The following CELA2A variants were observed in gnomAD, a reference collection of about 807,000 sequenced individuals.
The protein encoded by CELA2A is chymotrypsin like elastase 2A.
Under a neutral mutation model 35.3 loss-of-function variants are expected in CELA2A, and 31 were observed. That is an observed-to-expected ratio of 0.88 (90% confidence interval 0.66 to 1.19). The LOEUF (loss-of-function observed/expected upper bound fraction) is 1.19, where lower values mean the gene tolerates loss of function less well. Among genes scored for constraint, CELA2A ranks in the 50% most tolerant of loss-of-function variants. The pLI is 0.00. For synonymous variants in CELA2A, 150 were observed against 149.8 expected (o/e 1.00, Z -0.01); for missense variants, 330 against 352.9 (o/e 0.94, Z 0.52).
At chr1:15,461,968 C>CT (rs1446056987) in intron 3 of CELA2A, among the ~76,000 whole-genome samples, 1 of 152,208 alleles carries the variant, frequency 6.6e-6, no homozygotes, top group Non-Finnish European at 1.5e-5. Flanking sequence ...CCTTGAACAA[C>CT]TTAACTGACT....
intron 4 of CELA2A, 71 bp from the exon 5 acceptor site, chr1:15,463,315 C>T (rs1708465527): frequency 6.2e-7 from 1 of 1,604,606 alleles, no homozygotes; most frequent in South Asian, 1.1e-5. Context: ...ACAAGGTCTC[C>T]AAGCCCTCCA....
chr1:15,465,868 T>G (rs1438778489), intron 5 of CELA2A, 131 bp from the exon 6 acceptor site: 1 of 1,072,984 alleles, frequency 9.3e-7, no homozygotes, highest in African/African-American at 1.6e-5. Context: ...GGACACAGTA[T>G]AGACAAACGT....
rs141929584 is a variant in CELA2A at position 15,471,385 on chromosome 1, A to G, written c.793-605A>G. On this transcript the variant is annotated intron_variant, in intron 7 of 7. Coordinates refer to ENST00000359621, the MANE Select transcript of CELA2A (RefSeq NM_033440.3). ...AACATGGTGAAACCTCATCTCTACT[A>G]AAAATGCAAAAAATTAGCCAGGCAT... 5.7e-3 allele frequency among the ~76,000 whole-genome samples: 865 copies of G among 152,214 alleles called. 4 individuals are homozygous for G. Among genetic ancestry groups the G allele is most frequent in the Non-Finnish European group, 8.8e-3 (598 of 67,996 alleles).
At chr1:15,458,153 T>G (rs1209750764) in intron 2 of CELA2A, among the ~76,000 whole-genome samples, 2 of 152,186 alleles carry the variant, frequency 1.3e-5, no homozygotes, top group Non-Finnish European at 2.9e-5. Flanking sequence ...ATGTAAACAA[T>G]TTTTTGAGTT....
Position 15,461,611 on chromosome 1 carries a change from G to A in CELA2A, c.180G>A (p.Gly60=). 6.2e-7 allele frequency: 1 copy of A among 1,612,978 alleles called. No individual in the cohort carries two copies. Among genetic ancestry groups the A allele is most frequent in the Non-Finnish European group, 8.5e-7 (1 of 1,180,034 alleles). Residue 60 remains glycine (G), a synonymous_variant, in exon 3 of 8, where the codon GGG becomes GGA. Transcript: ENST00000359621. Reference sequence around the variant, plus strand: ...GCAAGTGGTACCACACCTGCGGAGGGTCCCTGATAGCCAACAGCTGGGTCC... The same window carrying A: ...GCAAGTGGTACCACACCTGCGGAGGATCCCTGATAGCCAACAGCTGGGTCC... ...SNGKWYHTCG[G]SLIANSWVLT...
At position 15,467,636 on chromosome 1, in the gene CELA2A, T is replaced by A; in HGVS notation, c.792+98T>A. On this transcript the variant is annotated intron_variant, in intron 7 of 7. Coordinates refer to ENST00000359621, the MANE Select transcript of CELA2A (RefSeq NM_033440.3). The stretch of plus-strand genomic sequence containing the variant: ...TGGTGACTGAGAATCCCCTCCTTCC[T>A]CTTGAGAGCTAGATGGGAACCCCTT... 2.8e-6 allele frequency: 4 copies of A among 1,446,482 alleles called. No individual in the cohort carries two copies. In the Admixed American group the frequency reaches 5.6e-5, roughly 20 times the overall value. 89.6% of individuals were successfully genotyped at this position (1,446,482 alleles called of 1,614,324 possible).
chr1:15,469,598 T>G (rs1469394736), intron 7 of CELA2A, among the ~76,000 whole-genome samples: 1 of 152,186 alleles, frequency 6.6e-6, no homozygotes, highest in African/African-American at 2.4e-5. Context: ...AGATCCTTGT[T>G]CATTTGTCTG....
In CELA2A at chr1:15,469,811, C is replaced by T. The variant is rs370492233; in HGVS notation, c.793-2179C>T. Among the ~76,000 whole-genome samples, 8 of 152,312 alleles carry T rather than the reference C, an allele frequency of 5.3e-5. No individual in the cohort carries two copies. The South Asian group carries it at 8.3e-4, about 16-fold the overall frequency. On this transcript the variant is annotated intron_variant, in intron 7 of 7. Coordinates refer to ENST00000359621, the MANE Select transcript of CELA2A (RefSeq NM_033440.3). ...GGAGCCTGGCCTGAGACTGACTGGACGAGAGGCTGCTTAGGGGCCTTTCTC... is the reference window on the plus strand; with the variant it reads ...GGAGCCTGGCCTGAGACTGACTGGATGAGAGGCTGCTTAGGGGCCTTTCTC...
intron 6 of CELA2A, 93 bp downstream of exon 6, chr1:15,466,237 C>T: frequency 7.1e-7 from 1 of 1,413,198 alleles, no homozygotes; most frequent in Non-Finnish European, 9.8e-7. Flanking sequence ...CATCCTCCCA[C>T]CTCCTGGCAG....
Position 15,462,873 on chromosome 1 carries a change from T to A in CELA2A, c.356+12T>A. The A allele has an allele frequency of 1.2e-6, 2 of 1,614,002 alleles. No homozygotes were observed. The highest frequency in any genetic ancestry group is 1.7e-6 in the Non-Finnish European group (2 of 1,179,956). On this transcript the variant is annotated intron_variant, in intron 4 of 7. Coordinates refer to ENST00000359621, the MANE Select transcript of CELA2A (RefSeq NM_033440.3). ...CAAATCTCCAAAGGGTTCGTTTCTG[T>A]CTGGGTGCACTTGGGGGTGAGGTTG...
At chr1:15,468,885 C>T (rs72865183) in intron 7 of CELA2A, among the ~76,000 whole-genome samples, 38,348 of 151,910 alleles carry the variant, frequency 0.25, 5,734 homozygotes, top group African/African-American at 0.41. Context: ...CAGGAAACCC[C>T]GTCACAAGAA....
At position 15,457,116 on chromosome 1, in the gene CELA2A, C is replaced by T. The variant is rs1708371113; in HGVS notation, c.71C>T (p.Pro24Leu). Residue 24 changes from proline (P) to leucine (L), a missense_variant, in exon 2 of 8, where the codon CCT becomes CTT. By Grantham distance (98) the Pro-to-Leu change is moderately conservative (BLOSUM62 -3). Transcript: ENST00000359621. ...AGTTGTGGGGACCCCACTTACCCAC[C>T]TTATGTGACTAGGGTGGTTGGCGGT... ...ALSCGDPTYP[P>L]YVTRVVGGEE... 1 of 1,614,146 alleles carries T rather than the reference C, an allele frequency of 6.2e-7. No homozygotes were observed. The highest frequency in any genetic ancestry group is 1.7e-5 in the Admixed American group (1 of 60,022).
At chr1:15,459,947 CAAA>C (rs80212453) in intron 2 of CELA2A, among the ~76,000 whole-genome samples, 2 of 95,434 alleles carry the variant, frequency 2.1e-5, no homozygotes, top group Non-Finnish European at 2.2e-5. Context: ...ATAGCCATCT[CAAA>C]AAAAAAAAAA....
chr1:15,464,193 G>A (rs1237983048), intron 5 of CELA2A, among the ~76,000 whole-genome samples: 1 of 152,192 alleles, frequency 6.6e-6, no homozygotes, highest in Non-Finnish European at 1.5e-5. Context: ...AAGTTACAGA[G>A]ACCATGTGAC....
chr1:15,469,954 T>G (rs945159414), intron 7 of CELA2A, among the ~76,000 whole-genome samples: 2 of 152,166 alleles, frequency 1.3e-5, no homozygotes, highest in African/African-American at 4.8e-5. Flanking sequence ...CAATTTTTTT[T>G]TCCCAGCATC....
chr1:15,470,234 A>T (rs1172690218), intron 7 of CELA2A, among the ~76,000 whole-genome samples: 1 of 152,126 alleles, frequency 6.6e-6, no homozygotes, highest in Non-Finnish European at 1.5e-5. Flanking sequence ...CAACCCAGGG[A>T]CACAGTGTGT....
chr1:15,470,553 C>T (rs1474835201), intron 7 of CELA2A, among the ~76,000 whole-genome samples: 2 of 152,076 alleles, frequency 1.3e-5, no homozygotes, highest in Non-Finnish European at 2.9e-5. Flanking sequence ...TTTACATCTC[C>T]AATTCCACTC....
chr1:15,461,448 G>A (rs1708432394), intron 2 of CELA2A, 113 bp from the exon 3 acceptor site: 1 of 1,094,386 alleles, frequency 9.1e-7, no homozygotes, highest in African/African-American at 1.6e-5. Flanking sequence ...TGCACATGAG[G>A]CGACTGCCTC....
At chr1:15,458,639 G>A (rs112309453) in intron 2 of CELA2A, among the ~76,000 whole-genome samples, 10 of 152,126 alleles carry the variant, frequency 6.6e-5, no homozygotes, top group African/African-American at 2.2e-4. Flanking sequence ...TAGGCCAGGC[G>A]TGGTGGCTCA....
Sources: allele counts gnomAD v4.1 joint callset (sites outside exome capture counted in the v4.1 genomes callset), GRCh38; gene constraint gnomAD v4.1.1; transcripts MANE v1.5; gene names NCBI Gene and HGNC (gene_info 2026-07-23, HGNC 2026-07-21).